PDE4D: variants seen among roughly 807,000 people sequenced by gnomAD.
PDE4D encodes the protein 3',5'-cyclic-AMP phosphodiesterase 4D.
Under a neutral mutation model 87.4 loss-of-function variants are expected in PDE4D, and 24 were observed. That is an observed-to-expected ratio of 0.27 (90% CI 0.20 to 0.39). The LOEUF (loss-of-function observed/expected upper bound fraction) is 0.39. PDE4D is among the 10% of genes least tolerant of loss of function. The pLI is 1.00. For missense variants in PDE4D, 714 were observed against 1,041.0 expected (o/e 0.69, Z 4.32); for synonymous variants, 384 against 383.2 (o/e 1.00, Z -0.02).
At chr5:59,373,012 G>GT (rs1784173796) in intron 1 of PDE4D, among the ~76,000 whole-genome samples, 2 of 147,838 alleles carry the variant, frequency 1.4e-5, no homozygotes, top group Non-Finnish European at 3.0e-5. Flanking sequence ...AGGATAAAAG[G>GT]AAAAAAAAAA....
chr5:59,913,678 T>G (rs1753688200), intron 3 of PDE4D, among the ~76,000 whole-genome samples: 1 of 152,164 alleles, frequency 6.6e-6, no homozygotes, highest in East Asian at 1.9e-4. Context: ...TATTTCTACT[T>G]AGAAATTCTG....
intron 1 of PDE4D, among the ~76,000 whole-genome samples, chr5:59,794,663 A>C (rs1017889952): frequency 2.0e-5 from 3 of 152,202 alleles, no homozygotes; most frequent in Non-Finnish European, 4.4e-5. Context: ...CTTCACAGTA[A>C]AAATCTCAAG....
At chr5:60,202,284 T>C (rs1742003667) in intron 1 of PDE4D, among the ~76,000 whole-genome samples, 4 of 152,134 alleles carry the variant, frequency 2.6e-5, no homozygotes, top group Admixed American at 2.6e-4. Context: ...CACCTCAGCC[T>C]CCCTAGTAGC....
intron 1 of PDE4D, among the ~76,000 whole-genome samples, chr5:59,439,152 A>C (rs1230917859): frequency 1.3e-5 from 2 of 152,102 alleles, no homozygotes; most frequent in Non-Finnish European, 2.9e-5. Context: ...TGAGGTCAGG[A>C]ATTCGAGACC....
intron 1 of PDE4D, among the ~76,000 whole-genome samples, chr5:59,804,626 T>A (rs1767536973): frequency 6.6e-6 from 1 of 152,164 alleles, no homozygotes; most frequent in African/African-American, 2.4e-5. Flanking sequence ...CATTCCACAC[T>A]TGGATAAATC....
intron 1 of PDE4D, among the ~76,000 whole-genome samples, chr5:59,442,501 G>C (rs1350369183): frequency 1.3e-5 from 2 of 152,210 alleles, no homozygotes; most frequent in Admixed American, 6.5e-5. Flanking sequence ...GTGACACCCA[G>C]AGAAAATTCA....
intron 2 of PDE4D, among the ~76,000 whole-genome samples, chr5:60,136,218 A>T (rs374703814): frequency 6.6e-6 from 1 of 152,294 alleles, no homozygotes; most frequent in African/African-American, 2.4e-5. Flanking sequence ...GTCTTTCTGT[A>T]CTTGCGCTAC....
At chr5:59,527,553 T>C (rs1813386039) in intron 1 of PDE4D, among the ~76,000 whole-genome samples, 1 of 152,184 alleles carries the variant, frequency 6.6e-6, no homozygotes, top group African/African-American at 2.4e-5. Flanking sequence ...CAAAGTAAAA[T>C]AAGACCTATT....
chr5:60,233,012 C>A lies in PDE4D; in HGVS notation c.-89-47325G>T, dbSNP rs139969361. 8.3e-3 allele frequency among the ~76,000 whole-genome samples: 1,262 copies of A among 151,610 alleles called. 19 individuals are homozygous for A. Among genetic ancestry groups the A allele is most frequent in the African/African-American group, 0.03 (1,223 of 41,382 alleles). On this transcript the variant is annotated intron_variant, in intron 1 of 16. Coordinates refer to the PDE4D transcript ENST00000502484. ...GGGGTATTAAATAATCCCAATTATC[C>A]CTTAATACTTTGAGGATTGGATTCT...
chr5:60,231,965 G>A (rs1438691132), intron 1 of PDE4D, among the ~76,000 whole-genome samples: 1 of 151,918 alleles, frequency 6.6e-6, no homozygotes, highest in African/African-American at 2.4e-5. Flanking sequence ...ATAGTATAGA[G>A]GGAGGGGGAC....
At chr5:59,055,428 T>C (rs753434506) in intron 5 of PDE4D, among the ~76,000 whole-genome samples, 12 of 152,198 alleles carry the variant, frequency 7.9e-5, no homozygotes, top group Non-Finnish European at 1.8e-4. Flanking sequence ...CTATAAAATC[T>C]ACCTCCTTAG....
chr5:59,172,765 G>A (rs1001349786), intron 5 of PDE4D: 2 of 151,758 alleles, frequency 1.3e-5, no homozygotes, highest in African/African-American at 4.8e-5. Context: ...ATGGCATTTA[G>A]CTAGTACTTA....
At chr5:59,463,489 A>G (rs1385229956) in intron 1 of PDE4D, among the ~76,000 whole-genome samples, 3 of 152,180 alleles carry the variant, frequency 2.0e-5, no homozygotes, top group Non-Finnish European at 2.9e-5. Flanking sequence ...TTCTAGGATT[A>G]AGAGAGGTAA....
At chr5:59,711,856 C>G (rs1754247026) in intron 1 of PDE4D, among the ~76,000 whole-genome samples, 1 of 152,084 alleles carries the variant, frequency 6.6e-6, no homozygotes, top group Non-Finnish European at 1.5e-5. Context: ...TCATTAGCAA[C>G]TCTCATGAAA....
intron 1 of PDE4D, among the ~76,000 whole-genome samples, chr5:59,714,216 G>A (rs1462500801): frequency 1.3e-5 from 2 of 152,190 alleles, no homozygotes; most frequent in African/African-American, 2.4e-5. Context: ...AGAGAAAATC[G>A]ATAAGCAGCC....
At chr5:60,335,218 T>G (rs1684420602) in intron 1 of PDE4D, 1 of 151,988 alleles carries the variant, frequency 6.6e-6, no homozygotes, top group African/African-American at 2.4e-5. Context: ...GGGAAGGGAG[T>G]GCAGTGTGAA....
chr5:60,007,277 C>T (rs983763727), intron 2 of PDE4D, among the ~76,000 whole-genome samples: 3 of 151,934 alleles, frequency 2.0e-5, no homozygotes, highest in Admixed American at 2.0e-4. Context: ...GATAGAATAA[C>T]AAATCATGCC....
At position 60,167,213 on chromosome 5, in the gene PDE4D, C is replaced by G. The variant is rs79041718; in HGVS notation, c.42+18344G>C. Among the ~76,000 whole-genome samples, 287 of 151,176 alleles carry G rather than the reference C, an allele frequency of 1.9e-3. 1 individual carries two copies. Among genetic ancestry groups the G allele is most frequent in the African/African-American group, 6.7e-3 (278 of 41,224 alleles). On this transcript the variant is annotated intron_variant, in intron 2 of 16. Transcript: ENST00000502484. ...TTTTTTGATGCTGTCACATAAATCT[C>G]ATATGCTTTCTTCCTTCCTTTCATT...
chr5:59,309,344 C>T (rs1050048361), intron 1 of PDE4D, among the ~76,000 whole-genome samples: 6 of 152,188 alleles, frequency 3.9e-5, no homozygotes, highest in African/African-American at 1.4e-4. Context: ...TTACCCCTTG[C>T]ACCTCTGGCT....
Sources: allele counts gnomAD v4.1 joint callset (sites outside exome capture counted in the v4.1 genomes callset), GRCh38; gene constraint gnomAD v4.1.1; transcripts MANE v1.5; gene names NCBI Gene and HGNC (gene_info 2026-07-23, HGNC 2026-07-21).